Variants in NMNAT3 observed in about 807,000 individuals in gnomAD.
The protein encoded by NMNAT3 is nicotinamide/nicotinic acid mononucleotide adenylyltransferase 3.
NMNAT3 carries 21 observed loss-of-function variants against 24.8 expected under a neutral mutation model. That is an observed-to-expected ratio of 0.85 (90% CI 0.60 to 1.22). NMNAT3 has a LOEUF of 1.22. Among genes scored for constraint, NMNAT3 ranks in the 50% most tolerant of loss-of-function variants. The pLI is 0.00. For missense variants in NMNAT3, 387 were observed against 436.6 expected, an observed-to-expected ratio of 0.89 and a Z score of 1.01; for synonymous variants, 136 against 155.2, an observed-to-expected ratio of 0.88 and a Z score of 0.92.
At chr3:139,582,723 T>C (rs1487150568) in intron 4 of NMNAT3, among the ~76,000 whole-genome samples, 2 of 150,212 alleles carry the variant, frequency 1.3e-5, no homozygotes, top group African/African-American at 4.9e-5. Flanking sequence ...TGAAACTTAC[T>C]TTCAATTGGT....
At chr3:139,662,661 G>A (rs1202936034) in intron 1 of NMNAT3, among the ~76,000 whole-genome samples, 1 of 152,114 alleles carries the variant, frequency 6.6e-6, no homozygotes, top group Non-Finnish European at 1.5e-5. Context: ...AGAATTGGAG[G>A]AGGAAGGCCT....
chr3:139,657,085 C>T (rs1426407367), intron 1 of NMNAT3, among the ~76,000 whole-genome samples: 5 of 152,118 alleles, frequency 3.3e-5, no homozygotes, highest in East Asian at 1.9e-4. Flanking sequence ...ACAGAAACTC[C>T]GGGCTCCATC....
chr3:139,641,742 A>G (rs1416083620), intron 1 of NMNAT3, among the ~76,000 whole-genome samples: 1 of 152,224 alleles, frequency 6.6e-6, no homozygotes, highest in Non-Finnish European at 1.5e-5. Context: ...GGCTGACATG[A>G]AATGATTTAC....
rs371297824 is a variant in NMNAT3, at chr3:139,647,079, C to G, written c.-140-9017G>C. 8.3e-4 allele frequency among the ~76,000 whole-genome samples: 126 copies of G among 152,314 alleles called. 2 individuals are homozygous for G. In the South Asian group the frequency reaches 0.025, roughly 30 times the overall value. On this transcript the variant is annotated intron_variant, in intron 1 of 6. Transcript: ENST00000643695. ...GCAGGAAAGAAGGTATAATAGATAG[C>G]TTCTCAATTTCCTTCTAGCTAGGGC... is the stretch of plus-strand genomic sequence containing the variant.
intron 5 of NMNAT3, chr3:139,575,539 G>C (rs925742715): frequency 1.0e-6 from 1 of 976,306 alleles, no homozygotes; most frequent in Non-Finnish European, 1.2e-6. Flanking sequence ...GGCACACATA[G>C]AGGGTGATTA....
At chr3:139,613,328 A>G (rs1053693999) in intron 3 of NMNAT3, among the ~76,000 whole-genome samples, 2 of 152,270 alleles carry the variant, frequency 1.3e-5, no homozygotes, top group African/African-American at 4.8e-5. Context: ...GGTGAAGGAT[A>G]TGAACAGACA....
intron 1 of NMNAT3, among the ~76,000 whole-genome samples, chr3:139,639,590 G>A (rs1485169591): frequency 6.6e-6 from 1 of 152,184 alleles, no homozygotes; most frequent in Non-Finnish European, 1.5e-5. Flanking sequence ...ACAATCCACT[G>A]CAAGTATGGG....
intron 3 of NMNAT3, among the ~76,000 whole-genome samples, chr3:139,587,905 A>T (rs2054005787): frequency 6.6e-6 from 1 of 152,184 alleles, no homozygotes; most frequent in Admixed American, 6.5e-5. Context: ...TGGTGGAAGG[A>T]CAGGGCTCTC....
Position 139,561,003 on chromosome 3 carries a change from C to G in NMNAT3, c.*7G>C. On this transcript the variant is annotated 3_prime_UTR_variant, in exon 7 of 7. Transcript: ENST00000643695. The stretch of plus-strand genomic sequence containing the variant: ...TGGAGGAGGTGTGGGTGCTGAGTCC[C>G]CCCTCCCTAGCTTGTCTTGCCCTCA... 6.2e-7 allele frequency: 1 copy of G among 1,605,528 alleles called. No individual in the cohort carries two copies. Among genetic ancestry groups the G allele is most frequent in the Non-Finnish European group, 8.5e-7 (1 of 1,174,602 alleles).
At chr3:139,582,654 A>G (rs2053706269) in intron 4 of NMNAT3, among the ~76,000 whole-genome samples, 1 of 149,378 alleles carries the variant, frequency 6.7e-6, no homozygotes, top group Non-Finnish European at 1.5e-5. Flanking sequence ...AAAAAAAAAA[A>G]AAAAAAAAAA....
intron 3 of NMNAT3, among the ~76,000 whole-genome samples, chr3:139,589,824 G>A (rs1171590277): frequency 6.6e-6 from 1 of 152,192 alleles, no homozygotes; most frequent in Admixed American, 6.5e-5. Flanking sequence ...CTGAAGTATG[G>A]CATGAAGTTG....
At chr3:139,611,619 T>G (rs1322832700) in intron 3 of NMNAT3, among the ~76,000 whole-genome samples, 2 of 152,094 alleles carry the variant, frequency 1.3e-5, no homozygotes, top group Non-Finnish European at 2.9e-5. Context: ...TTGTGGCATC[T>G]AAGGGAAAGC....
chr3:139,605,715 A>C (rs1341274608), intron 3 of NMNAT3, among the ~76,000 whole-genome samples: 2 of 152,014 alleles, frequency 1.3e-5, no homozygotes, highest in Non-Finnish European at 2.9e-5. Flanking sequence ...CCTGGCTTTG[A>C]AGTTTTTTTT....
At chr3:139,602,516 A>G (rs1458772783) in intron 3 of NMNAT3, among the ~76,000 whole-genome samples, 1 of 152,228 alleles carries the variant, frequency 6.6e-6, no homozygotes, top group Non-Finnish European at 1.5e-5. Flanking sequence ...GTCATTGACA[A>G]AAATGCAAAT....
chr3:139,664,976 T>C (rs11716519), intron 1 of NMNAT3, among the ~76,000 whole-genome samples: 3,463 of 152,292 alleles, frequency 0.023, 45 homozygotes, highest in Middle Eastern at 0.044. Context: ...GAGAATTCTA[T>C]TTTGCTGGAT....
chr3:139,641,402 G>A (rs1218883739), intron 1 of NMNAT3, among the ~76,000 whole-genome samples: 1 of 152,164 alleles, frequency 6.6e-6, no homozygotes, highest in Non-Finnish European at 1.5e-5. Context: ...GTTGATCTAC[G>A]AGTGTGCATG....
At position 139,578,794 on chromosome 3, in the gene NMNAT3, C is replaced by T. The variant is rs1285366998; in HGVS notation, c.575+78G>A. ...GGCAGAAACCCAGCCCCACAATCTGCCCTACCTTTTACCCTGTAAGCTCTG... is the reference window on the plus strand; with the variant it reads ...GGCAGAAACCCAGCCCCACAATCTGTCCTACCTTTTACCCTGTAAGCTCTG... On this transcript the variant is annotated intron_variant, in intron 5 of 6. Coordinates refer to ENST00000643695, the MANE Select transcript of NMNAT3 (RefSeq NM_001320510.2). 1.4e-5 allele frequency: 19 copies of T among 1,331,728 alleles called. No homozygotes were observed. The Admixed American group carries it at 4.0e-4, about 28-fold the overall frequency. 82.5% of individuals were successfully genotyped at this position (1,331,728 alleles called of 1,614,324 possible). A position where few individuals can be genotyped will look rare whatever the true frequency, so the allele number is the denominator to read the frequency against.
At chr3:139,672,173 C>T (rs1296123885) in intron 1 of NMNAT3, among the ~76,000 whole-genome samples, 6 of 152,168 alleles carry the variant, frequency 3.9e-5, no homozygotes, top group South Asian at 4.1e-4. Flanking sequence ...AAGGCTCTAA[C>T]CCCTACACAC....
intron 1 of NMNAT3, among the ~76,000 whole-genome samples, chr3:139,648,241 C>T (rs1215829788): frequency 1.3e-5 from 2 of 152,310 alleles, no homozygotes; most frequent in South Asian, 2.1e-4. Context: ...CCATGTAAGA[C>T]GTGCCTTGCT....
Sources: allele counts gnomAD v4.1 joint callset (sites outside exome capture counted in the v4.1 genomes callset), GRCh38; gene constraint gnomAD v4.1.1; transcripts MANE v1.5; gene names NCBI Gene and HGNC (gene_info 2026-07-23, HGNC 2026-07-21).